Variants in LAMP2 observed in about 807,000 individuals in gnomAD.
LAMP2 encodes lysosome-associated membrane glycoprotein 2.
LAMP2 carries 4 observed loss-of-function variants against 25.6 expected under a neutral mutation model. The ratio of observed to expected loss-of-function variants is 0.16; its 90% CI spans 0.08 to 0.36. The LOEUF is 0.36. LAMP2 is among the 10% of genes least tolerant of loss of function. LAMP2 has a pLI of 1.00. For synonymous variants in LAMP2, 108 were observed against 112.7 expected, an observed-to-expected ratio of 0.96 and a Z score of 0.27; for missense variants, 272 against 301.4, an observed-to-expected ratio of 0.90 and a Z score of 0.72.
At chrX:120,445,434 T>A (rs1259932827) in intron 6 of LAMP2, among the ~76,000 whole-genome samples, 2 of 112,636 alleles carry the variant, frequency 1.8e-5, no homozygotes, top group African/African-American at 6.4e-5. Context: ...TACCTACTTT[T>A]TATATATCAG....
chrX:120,431,764 C>G (rs944118827), intron 8 of LAMP2, among the ~76,000 whole-genome samples: 1 of 112,220 alleles, frequency 8.9e-6, no homozygotes, highest in Non-Finnish European at 1.9e-5. Context: ...ATCTAATTAG[C>G]CTTGCCTTGA....
At chrX:120,431,555 C>T (rs994327014) in intron 8 of LAMP2, 93 bp from the exon 9 acceptor site, 3 of 893,314 alleles carry the variant, frequency 3.4e-6, no homozygotes, top group East Asian at 6.3e-5. Context: ...TCCTAACACG[C>T]ATATTTTGGT....
chrX:120,435,557 A>G (rs2058539516), intron 8 of LAMP2, among the ~76,000 whole-genome samples: 1 of 112,433 alleles, frequency 8.9e-6, no homozygotes, highest in Admixed American at 9.4e-5. Context: ...TTGATACGTA[A>G]CAAGTAGCTT....
At chrX:120,448,146 G>T in intron 4 of LAMP2, 121 bp from the exon 5 acceptor site, 1 of 589,667 alleles carries the variant, frequency 1.7e-6, no homozygotes, top group Non-Finnish European at 2.8e-6. Context: ...TAGGGGAAGA[G>T]AATATCTTGT....
Position 120,429,102 on chromosome X carries a change from G to A in LAMP2, c.*2221C>T, listed in dbSNP as rs1363580134. Reference sequence around the variant, plus strand: ...TATATATGTGTGTGTATATATATGTGTATATATATGTATATGTGTATATAT... The same window carrying A: ...TATATATGTGTGTGTATATATATGTATATATATATGTATATGTGTATATAT... On this transcript the variant is annotated 3_prime_UTR_variant, in exon 9 of 9. Transcript: ENST00000200639. 9 of 494,857 alleles carry A rather than the reference G, an allele frequency of 1.8e-5. No individual in the cohort carries two copies. The highest frequency in any genetic ancestry group is 2.2e-5 in the Non-Finnish European group (9 of 407,632). 40.8% of individuals were successfully genotyped at this position (494,857 alleles called of 1,213,427 possible).
At chrX:120,439,102 G>A in intron 8 of LAMP2, 2 of 1,205,793 alleles carry the variant, frequency 1.7e-6, no homozygotes, top group Non-Finnish European at 2.2e-6. Context: ...TTGCATGTTG[G>A]AACTTGTACT....
At chrX:120,468,227 T>TC (rs1399231207) in intron 1 of LAMP2, among the ~76,000 whole-genome samples, 1 of 111,138 alleles carries the variant, frequency 9.0e-6, no homozygotes, top group Non-Finnish European at 1.9e-5. Context: ...ACTCAAATAC[T>TC]CCACCCCCAA....
intron 1 of LAMP2, among the ~76,000 whole-genome samples, chrX:120,462,044 C>T (rs1272032577): frequency 2.7e-5 from 3 of 111,486 alleles, no homozygotes; most frequent in East Asian, 5.6e-4. Context: ...TTACAATACC[C>T]AATTTTTAAA....
At chrX:120,460,322 C>A (rs1921264608) in intron 1 of LAMP2, among the ~76,000 whole-genome samples, 1 of 110,387 alleles carries the variant, frequency 9.1e-6, no homozygotes, top group African/African-American at 3.3e-5. Context: ...GTTGGTCTTG[C>A]TGTCTTCAGG....
At chrX:120,453,485 G>T (rs1294226962) in intron 3 of LAMP2, among the ~76,000 whole-genome samples, 1 of 111,836 alleles carries the variant, frequency 8.9e-6, no homozygotes, top group Non-Finnish European at 1.9e-5. Context: ...AACGGGCAGG[G>T]GGAGAAAGAA....
chrX:120,461,082 T>C (rs1281909600), intron 1 of LAMP2, among the ~76,000 whole-genome samples: 1 of 112,684 alleles, frequency 8.9e-6, no homozygotes, highest in Non-Finnish European at 1.9e-5. Context: ...AGTAAACACA[T>C]GTATGCGTGT....
chrX:120,464,519 G>T (rs900066279), intron 1 of LAMP2, among the ~76,000 whole-genome samples: 1 of 111,317 alleles, frequency 9.0e-6, no homozygotes, highest in African/African-American at 3.3e-5. Context: ...ACAAAAAAGC[G>T]TGGAAAATAG....
chrX:120,461,968 G>GA (rs1417005134), intron 1 of LAMP2, among the ~76,000 whole-genome samples: 8 of 111,453 alleles, frequency 7.2e-5, no homozygotes, highest in African/African-American at 2.6e-4. Context: ...GTTTACAGTT[G>GA]AAATATTTAC....
intron 3 of LAMP2, among the ~76,000 whole-genome samples, chrX:120,454,970 TATATATAC>T (rs1453237761): frequency 1.0e-5 from 1 of 96,481 alleles, no homozygotes; most frequent in African/African-American, 3.9e-5. Flanking sequence ...CACTAGGATA[TATATATAC>T]ATATATACTA....
chrX:120,429,161 CAT>C lies in LAMP2; in HGVS notation c.*2160_*2161del, dbSNP rs753399289. On this transcript the variant is annotated 3_prime_UTR_variant, in exon 9 of 9. Transcript: ENST00000200639. ...GTGTATATATATGTGTGTGTGTGTA[CAT>C]ATATATATATATACACACACACACA... is the stretch of plus-strand genomic sequence containing the variant. The C allele has an allele frequency of 7.5e-3, 4,449 of 589,449 alleles. No individual in the cohort carries two copies. Among genetic ancestry groups the C allele is most frequent in the Non-Finnish European group, 8.1e-3 (4,026 of 498,247 alleles). The allele number at this position is 589,449 out of a possible 1,213,427, so 48.6% of individuals were successfully genotyped here. A position where few individuals can be genotyped will look rare whatever the true frequency, so the allele number is the denominator to read the frequency against.
chrX:120,447,465 T>G lies in LAMP2; in HGVS notation c.741+376A>C, dbSNP rs762486018. On this transcript the variant is annotated intron_variant, in intron 5 of 8. Coordinates refer to ENST00000200639, the MANE Select transcript of LAMP2 (RefSeq NM_002294.3). ...GGCTCACGCCTGTAATCCCAGCACT[T>G]TGGGAGGCCGAGACGGGCGGAGCAC... Among the ~76,000 whole-genome samples the G allele has an allele frequency of 9.4e-4, 102 of 108,766 alleles. No individual in the cohort carries two copies. In the Middle Eastern group the frequency reaches 0.015, roughly 16 times the overall value. The allele number at this position is 108,766 out of a possible 115,157, so 94.5% of individuals were successfully genotyped here. A position where few individuals can be genotyped will look rare whatever the true frequency, so the allele number is the denominator to read the frequency against.
chrX:120,436,365 C>T lies in LAMP2; in HGVS notation c.1094-4903G>A, dbSNP rs142011956. 304 of 293,187 alleles carry T rather than the reference C, an allele frequency of 1.0e-3. 4 individuals carry two copies. In the Middle Eastern group the frequency reaches 0.034, roughly 33 times the overall value. 24.2% of individuals were successfully genotyped at this position (293,187 alleles called of 1,213,427 possible). On this transcript the variant is annotated intron_variant, in intron 8 of 8. Transcript: ENST00000200639. ...TCCAGATGGTAATATACAGACAGAA[C>T]ATCAGAACATTTTGCAAATAATTCA...
chrX:120,454,540 T>G (rs1012657353), intron 3 of LAMP2, among the ~76,000 whole-genome samples: 1 of 109,685 alleles, frequency 9.1e-6, no homozygotes, highest in Non-Finnish European at 1.9e-5. Context: ...ATCGCTTGAA[T>G]CCAGGAGTTC....
At chrX:120,445,527 T>G (rs1165787143) in intron 6 of LAMP2, among the ~76,000 whole-genome samples, 1 of 112,474 alleles carries the variant, frequency 8.9e-6, no homozygotes, top group Non-Finnish European at 1.9e-5. Context: ...TACAATATTT[T>G]TAGTTTGAGA....
Sources: allele counts gnomAD v4.1 joint callset (sites outside exome capture counted in the v4.1 genomes callset), GRCh38; gene constraint gnomAD v4.1.1; transcripts MANE v1.5; gene names NCBI Gene and HGNC (gene_info 2026-07-23, HGNC 2026-07-21).